GOLGA8A: variants seen among roughly 807,000 people sequenced by gnomAD.
GOLGA8A encodes the protein golgin A8 family member A.
Under a neutral mutation model 22.1 loss-of-function variants are expected in GOLGA8A, and 3 were observed. That is an observed-to-expected ratio of 0.14 (90% CI 0.06 to 0.35). The LOEUF is 0.35. GOLGA8A is among the 10% of genes least tolerant of loss of function. The pLI is 1.00. For missense variants in GOLGA8A, 16 were observed against 233.2 expected (o/e 0.07, Z 6.07); for synonymous variants, 7 against 91.7 (o/e 0.08, Z 5.28).
intron 5 of GOLGA8A, among the ~76,000 whole-genome samples, chr15:34,403,203 G>A (rs1892088574): frequency 1.6e-5 from 1 of 62,712 alleles, no homozygotes; most frequent in African/African-American, 7.3e-5. Flanking sequence ...AGACACTCAA[G>A]GTGACACATT....
intron 2 of GOLGA8A, chr15:34,418,610 T>C (rs1433547811): frequency 6.8e-6 from 1 of 146,814 alleles, no homozygotes; most frequent in Non-Finnish European, 1.5e-5. Context: ...TCCTGTGTCA[T>C]GCCACGGAGT....
chr15:34,412,488 C>G (rs1156871335), intron 2 of GOLGA8A, among the ~76,000 whole-genome samples: 2 of 150,174 alleles, frequency 1.3e-5, no homozygotes, highest in Non-Finnish European at 3.0e-5. Context: ...AAGAGCTGCT[C>G]GGGTGCGACA....
intron 2 of GOLGA8A, among the ~76,000 whole-genome samples, chr15:34,424,960 C>T (rs1169886245): frequency 1.4e-5 from 2 of 143,408 alleles, no homozygotes; most frequent in South Asian, 2.4e-4. Context: ...ATTAGCCAGG[C>T]GTGGTGGACC....
chr15:34,423,251 C>A (rs1435119094), intron 2 of GOLGA8A, among the ~76,000 whole-genome samples: 1 of 126,540 alleles, frequency 7.9e-6, no homozygotes, highest in Non-Finnish European at 1.7e-5. Context: ...CAACATGGGG[C>A]CACATCACGC....
At chr15:34,426,176 G>A (rs77649575) in intron 2 of GOLGA8A, among the ~76,000 whole-genome samples, 12,613 of 149,142 alleles carry the variant, frequency 0.085, 1,551 homozygotes, top group South Asian at 0.25. Context: ...AGCATTCTCC[G>A]TGAGTGTGAA....
rs1490693990 is a variant in GOLGA8A, at chr15:34,437,403, C to T, written c.-1217G>A. On this transcript the variant is annotated 5_prime_UTR_variant, in exon 1 of 25. Coordinates refer to ENST00000359187, the MANE Select transcript of GOLGA8A (RefSeq NM_181077.5). ...GCCGAGGTTCCCCAGCTTACCTGGCCAGGGCGCGGGGCTGCCCCGGTCCGC... is the reference window on the plus strand; with the variant it reads ...GCCGAGGTTCCCCAGCTTACCTGGCTAGGGCGCGGGGCTGCCCCGGTCCGC... 1.4e-5 allele frequency: 2 copies of T among 141,450 alleles called. No individual in the cohort carries two copies. The highest frequency in any genetic ancestry group is 2.0e-4 in the South Asian group (1 of 5,030). 8.8% of individuals were successfully genotyped at this position (141,450 alleles called of 1,614,324 possible). A position where few individuals can be genotyped will look rare whatever the true frequency, so the allele number is the denominator to read the frequency against.
At chr15:34,423,807 T>C (rs1178173914) in intron 2 of GOLGA8A, among the ~76,000 whole-genome samples, 2 of 149,354 alleles carry the variant, frequency 1.3e-5, no homozygotes, top group African/African-American at 4.9e-5. Context: ...TCACACATGC[T>C]GGCCCCACCA....
rs148137826 is a variant in GOLGA8A, at chr15:34,427,588, T to A, written c.-1123+7795A>T. 2.8e-3 allele frequency among the ~76,000 whole-genome samples: 418 copies of A among 148,366 alleles called. 23 individuals are homozygous for A. Among genetic ancestry groups the A allele is most frequent in the African/African-American group, 9.7e-3 (390 of 40,140 alleles). On this transcript the variant is annotated intron_variant, in intron 2 of 24. Transcript: ENST00000359187. ...CCTGGGGCCGCAGAATTCAGCAGCT[T>A]TTCCTTGGATTCCTAGGACAACCAA...
At chr15:34,412,714 G>C (rs143834785) in intron 2 of GOLGA8A, among the ~76,000 whole-genome samples, 65,324 of 127,476 alleles carry the variant, frequency 0.51, 12,977 homozygotes, top group East Asian at 0.59. Flanking sequence ...AGAGAGGGGG[G>C]TCATCCAGCC....
At chr15:34,435,193 C>A (rs776107864) in intron 2 of GOLGA8A, among the ~76,000 whole-genome samples, 190 bp downstream of exon 2, 5 of 149,374 alleles carry the variant, frequency 3.3e-5, no homozygotes, top group Admixed American at 2.0e-4. Flanking sequence ...CCAGGCTCAA[C>A]CCCCACTCTC....
Position 34,433,909 on chromosome 15 carries a change from T to C in GOLGA8A, c.-1123+1474A>G, listed in dbSNP as rs61414908. On this transcript the variant is annotated intron_variant, in intron 2 of 24. Transcript: ENST00000359187. ...GAAGTAACGCTAATTTATGTAGGGC[T>C]GTCAGGGAGCCGGCAATAAGTGAGG... 2.5e-4 allele frequency among the ~76,000 whole-genome samples: 37 copies of C among 149,398 alleles called. No individual in the cohort carries two copies. The East Asian group carries it at 5.9e-3, about 24-fold the overall frequency.
intron 5 of GOLGA8A, 131 bp from the exon 6 acceptor site, chr15:34,400,890 A>G (rs1892036721): frequency 1.1e-5 from 1 of 93,758 alleles, no homozygotes; most frequent in Admixed American, 1.2e-4. Context: ...AACTACTACC[A>G]TCCTTAGAGT....
rs145353281 is a variant in GOLGA8A, at chr15:34,435,836, G to A, written c.-1211-365C>T. 5.2e-3 allele frequency among the ~76,000 whole-genome samples: 782 copies of A among 149,364 alleles called. 61 individuals are homozygous for A. The highest frequency in any genetic ancestry group is 0.019 in the South Asian group (87 of 4,656). ...GGGCCCCCCTGCCAGTACTGCTAGA[G>A]CCCACCGAGGGCTGCCAGCACACAG... is the stretch of plus-strand genomic sequence containing the variant. On this transcript the variant is annotated intron_variant, in intron 1 of 24. Transcript: ENST00000359187.
At chr15:34,431,350 A>C (rs374580451) in intron 2 of GOLGA8A, among the ~76,000 whole-genome samples, 2 of 128,896 alleles carry the variant, frequency 1.6e-5, no homozygotes, top group Non-Finnish European at 3.2e-5. Context: ...TATATATCTC[A>C]CACACACACA....
At chr15:34,427,330 C>CAAAAAAA (rs67775520) in intron 2 of GOLGA8A, among the ~76,000 whole-genome samples, 1 of 78,850 alleles carries the variant, frequency 1.3e-5, no homozygotes, top group Non-Finnish European at 2.5e-5. Flanking sequence ...GACTCCGTCA[C>CAAAAAAA]AAAAAAAAAA....
chr15:34,437,189 C>A (rs1457667142), intron 1 of GOLGA8A, among the ~76,000 whole-genome samples: 1 of 147,258 alleles, frequency 6.8e-6, no homozygotes, highest in Non-Finnish European at 1.5e-5. Context: ...GAGGATGGGC[C>A]GGTCCGAGAG....
Position 34,379,605 on chromosome 15 carries a change from C to A in GOLGA8A, c.*1806G>T, listed in dbSNP as rs1003120421. 2.0e-5 allele frequency: 3 copies of A among 152,646 alleles called. No individual in the cohort carries two copies. The highest frequency in any genetic ancestry group is 4.4e-5 in the Non-Finnish European group (3 of 68,048). 9.5% of individuals were successfully genotyped at this position (152,646 alleles called of 1,614,324 possible). On this transcript the variant is annotated 3_prime_UTR_variant, in exon 25 of 25. Transcript: ENST00000359187. ...ATTGGCAAAATCGTATTGCTGCTCT[C>A]CTGTTAATCTCACATTTATAAAAGG...
At chr15:34,430,173 A>T (rs1366253564) in intron 2 of GOLGA8A, among the ~76,000 whole-genome samples, 1 of 149,204 alleles carries the variant, frequency 6.7e-6, no homozygotes. Context: ...TAGAAGCTGA[A>T]ATCTGTGAAA....
chr15:34,423,459 A>C (rs1302526799), intron 2 of GOLGA8A, among the ~76,000 whole-genome samples: 2 of 144,480 alleles, frequency 1.4e-5, no homozygotes, highest in African/African-American at 5.1e-5. Context: ...ACAAAGACTA[A>C]ATGAAAATGA....
Sources: allele counts gnomAD v4.1 joint callset (sites outside exome capture counted in the v4.1 genomes callset), GRCh38; gene constraint gnomAD v4.1.1; transcripts MANE v1.5; gene names NCBI Gene and HGNC (gene_info 2026-07-23, HGNC 2026-07-21).